The following USP32 variants were observed in gnomAD, a reference collection of about 807,000 sequenced individuals.
USP32 encodes ubiquitin specific peptidase 32.
USP32 carries 59 observed loss-of-function variants against 204.8 expected under a neutral mutation model. That is an observed-to-expected ratio of 0.29 (90% CI 0.23 to 0.36). The LOEUF is 0.36. USP32 is among the 10% of genes least tolerant of loss of function. The pLI is 1.00. For synonymous variants in USP32, 517 were observed against 678.4 expected, an observed-to-expected ratio of 0.76 and a Z score of 3.70; for missense variants, 1,160 against 1,946.4, an observed-to-expected ratio of 0.60 and a Z score of 7.60.
chr17:60,244,027 G>GTGTTTTTTTT (rs2085945981), intron 11 of USP32, among the ~76,000 whole-genome samples: 2 of 120,298 alleles, frequency 1.7e-5, no homozygotes, highest in African/African-American at 7.5e-5. Flanking sequence ...TAGCTGGATT[G>GTGTTTTTTTT]TGTTTTTTTT....
intron 1 of USP32, among the ~76,000 whole-genome samples, chr17:60,381,065 C>A (rs2333677): frequency 6.6e-6 from 1 of 152,168 alleles, no homozygotes; most frequent in African/African-American, 2.4e-5. Flanking sequence ...TACCAGATTA[C>A]TGCTGCTAGT....
chr17:60,209,262 A>G (rs2084902862), intron 22 of USP32, 108 bp downstream of exon 22: 2 of 850,296 alleles, frequency 2.4e-6, no homozygotes, highest in African/African-American at 1.8e-5. Context: ...TTTTTGCAGT[A>G]AAGTTCTGAT....
intron 1 of USP32, among the ~76,000 whole-genome samples, chr17:60,373,408 T>A (rs998512893): frequency 6.6e-6 from 1 of 152,008 alleles, no homozygotes; most frequent in African/African-American, 2.4e-5. Context: ...TTACTAATTT[T>A]TTCTTCAATA....
intron 14 of USP32, 30 bp downstream of exon 14, chr17:60,223,381 A>C (rs777733827): frequency 1.9e-6 from 3 of 1,576,922 alleles, no homozygotes; most frequent in South Asian, 1.2e-5. Flanking sequence ...GCAAGAGAAT[A>C]ATTTTAAGTT....
chr17:60,255,455 G>A (rs2086277329), intron 9 of USP32, among the ~76,000 whole-genome samples, 197 bp from the exon 10 acceptor site: 1 of 151,986 alleles, frequency 6.6e-6, no homozygotes, highest in Admixed American at 6.6e-5. Context: ...CCGCCACCAT[G>A]CCTGGCTAAG....
At chr17:60,202,686 A>AT (rs891433524) in intron 26 of USP32, among the ~76,000 whole-genome samples, 39 of 151,366 alleles carry the variant, frequency 2.6e-4, no homozygotes, top group African/African-American at 9.5e-4. Flanking sequence ...TAGGTACTTA[A>AT]TTTTTTCTCA....
rs180720289 is a variant in USP32, at chr17:60,335,850, C to A, written c.186+9631G>T. Among the ~76,000 whole-genome samples, 7 of 143,180 alleles carry A rather than the reference C, an allele frequency of 4.9e-5. 1 individual carries two copies. The East Asian group carries it at 1.4e-3, about 28-fold the overall frequency. 93.9% of individuals were successfully genotyped at this position (143,180 alleles called of 152,430 possible). A position where few individuals can be genotyped will look rare whatever the true frequency, so the allele number is the denominator to read the frequency against. On this transcript the variant is annotated intron_variant, in intron 2 of 33. Coordinates refer to ENST00000300896, the MANE Select transcript of USP32 (RefSeq NM_032582.4). ...CATTGAATTTTGCAACATGTATAAC[C>A]AAATTCTGATTAAGTTTTATCAGCT... is the stretch of plus-strand genomic sequence containing the variant.
intron 1 of USP32, among the ~76,000 whole-genome samples, chr17:60,411,104 G>A (rs532239127): frequency 9.2e-5 from 14 of 152,096 alleles, no homozygotes; most frequent in South Asian, 4.1e-4. Context: ...CGAGGCAGGC[G>A]GATCACCTGA....
At chr17:60,373,507 G>A (rs924616022) in intron 1 of USP32, among the ~76,000 whole-genome samples, 4 of 147,364 alleles carry the variant, frequency 2.7e-5, no homozygotes, top group African/African-American at 7.7e-5. Flanking sequence ...GCAGTGGCAC[G>A]ATCTTGGCTC....
intron 29 of USP32, 127 bp downstream of exon 29, chr17:60,190,436 T>C (rs529712846): frequency 1.6e-4 from 206 of 1,308,310 alleles, no homozygotes; most frequent in African/African-American, 2.1e-4. Flanking sequence ...TTAGGTGCCA[T>C]AGAGGATGCC....
At chr17:60,300,587 T>C (rs1567838633) in intron 3 of USP32, among the ~76,000 whole-genome samples, 1 of 152,206 alleles carries the variant, frequency 6.6e-6, no homozygotes, top group Non-Finnish European at 1.5e-5. Flanking sequence ...AAATAACGTA[T>C]ATAAAATGTT....
intron 2 of USP32, among the ~76,000 whole-genome samples, chr17:60,324,656 C>A (rs937943477): frequency 1.3e-5 from 2 of 152,092 alleles, no homozygotes; most frequent in Non-Finnish European, 2.9e-5. Context: ...ATAAAAAATA[C>A]ATTTTGAAAA....
intron 11 of USP32, chr17:60,249,882 G>A (rs2086124090): frequency 4.1e-6 from 2 of 486,880 alleles, no homozygotes; most frequent in Non-Finnish European, 7.4e-6. Context: ...CTGACTGTAA[G>A]TTAGAGACAA....
At chr17:60,244,782 C>A (rs1189985439) in intron 11 of USP32, among the ~76,000 whole-genome samples, 1 of 152,196 alleles carries the variant, frequency 6.6e-6, no homozygotes, top group African/African-American at 2.4e-5. Context: ...CAGGCACGCA[C>A]CACCACGCCA....
chr17:60,402,303 T>G (rs565640344), intron 1 of USP32, among the ~76,000 whole-genome samples: 1 of 146,810 alleles, frequency 6.8e-6, no homozygotes, highest in East Asian at 2.0e-4. Context: ...CAGGCTGGAG[T>G]GCAGTGGTGC....
At chr17:60,389,521 C>G (rs1279827844) in intron 1 of USP32, among the ~76,000 whole-genome samples, 1 of 150,570 alleles carries the variant, frequency 6.6e-6, no homozygotes, top group East Asian at 2.0e-4. Context: ...CCAGCCTGGG[C>G]GACAGAGCGA....
intron 1 of USP32, among the ~76,000 whole-genome samples, chr17:60,369,064 G>C (rs1264180945): frequency 7.8e-6 from 1 of 127,436 alleles, no homozygotes; most frequent in African/African-American, 4.1e-5. Flanking sequence ...GCGGGATCTC[G>C]GCTCACTGCA....
Position 60,286,026 on chromosome 17 carries a change from C to T in USP32, c.571+2497G>A, listed in dbSNP as rs555098820. 3.8e-4 allele frequency among the ~76,000 whole-genome samples: 57 copies of T among 151,562 alleles called. No individual in the cohort carries two copies. In the South Asian group the frequency reaches 0.011, roughly 31 times the overall value. On this transcript the variant is annotated intron_variant, in intron 5 of 33. Coordinates refer to ENST00000300896, the MANE Select transcript of USP32 (RefSeq NM_032582.4). ...TAGTGCATGCCTGTAATCACAGCTA[C>T]TTGGGAGGCTAAGGCAAGAGAATCA...
chr17:60,248,735 T>A (rs943382001), intron 11 of USP32, among the ~76,000 whole-genome samples: 1 of 152,248 alleles, frequency 6.6e-6, no homozygotes, highest in East Asian at 1.9e-4. Flanking sequence ...AAATACAGCT[T>A]CGTTTAGCTC....
Sources: allele counts gnomAD v4.1 joint callset (sites outside exome capture counted in the v4.1 genomes callset), GRCh38; gene constraint gnomAD v4.1.1; transcripts MANE v1.5; gene names NCBI Gene and HGNC (gene_info 2026-07-23, HGNC 2026-07-21).